CENPP: variants seen among roughly 807,000 people sequenced by gnomAD.
CENPP encodes the protein centromere protein P.
CENPP carries 24 observed loss-of-function variants against 35.6 expected under a neutral mutation model. The observed-to-expected ratio is 0.67, with a 90% CI of 0.49 to 0.95. The LOEUF (loss-of-function observed/expected upper bound fraction) is 0.95. CENPP is among the 40% of genes least tolerant of loss of function. The pLI is 0.00. For synonymous variants in CENPP, 120 were observed against 125.5 expected, an observed-to-expected ratio of 0.96 and a Z score of 0.29; for missense variants, 332 against 345.3, an observed-to-expected ratio of 0.96 and a Z score of 0.31.
At chr9:92,501,060 C>A (rs1564357152) in intron 5 of CENPP, 1 of 1,604,122 alleles carries the variant, frequency 6.2e-7, no homozygotes, top group Non-Finnish European at 8.5e-7. Context: ...ATTTCTGCAG[C>A]AAAGAAAAAA....
chr9:92,382,920 A>C (rs1172272351), intron 5 of CENPP, among the ~76,000 whole-genome samples: 1 of 116,402 alleles, frequency 8.6e-6, no homozygotes, highest in African/African-American at 3.3e-5. Flanking sequence ...TTTTTTTTAG[A>C]CAGAGTCTTG....
At chr9:92,522,507 T>C in intron 5 of CENPP, 3 of 1,413,908 alleles carry the variant, frequency 2.1e-6, no homozygotes, top group Non-Finnish European at 2.8e-6. Flanking sequence ...CCCTCTCTCC[T>C]TCTCTTTCCC....
At chr9:92,558,422 G>A (rs1849773709) in intron 5 of CENPP, among the ~76,000 whole-genome samples, 1 of 152,138 alleles carries the variant, frequency 6.6e-6, no homozygotes, top group Non-Finnish European at 1.5e-5. Flanking sequence ...TCTGGGCCTA[G>A]CCACCCAGTG....
chr9:92,569,352 T>G (rs962523512), intron 5 of CENPP, among the ~76,000 whole-genome samples: 31 of 152,250 alleles, frequency 2.0e-4, no homozygotes, highest in Admixed American at 5.2e-4. Context: ...TTTCCCCATT[T>G]CTTGTTTTTG....
At chr9:92,450,090 T>TTTA (rs971076403) in intron 5 of CENPP, among the ~76,000 whole-genome samples, 79 of 151,252 alleles carry the variant, frequency 5.2e-4, no homozygotes, top group Middle Eastern at 3.4e-3. Context: ...ATTCTTTCTT[T>TTTA]TTATTATTAT....
rs972497015 is a variant in CENPP at position 92,378,878 on chromosome 9, A to G, written c.468-885A>G. 9.2e-5 allele frequency among the ~76,000 whole-genome samples: 14 copies of G among 152,176 alleles called. 2 individuals are homozygous for G. Among genetic ancestry groups the G allele is most frequent in the Admixed American group, 9.2e-4 (14 of 15,270 alleles). On this transcript the variant is annotated intron_variant, in intron 4 of 7. Transcript: ENST00000375587. ...GTTCTGACAATGGTTCTCTGTCACC[A>G]ACTGGATGTCCTGCAGCTCAGTTCA...
At chr9:92,377,150 C>G (rs1842143023) in intron 4 of CENPP, among the ~76,000 whole-genome samples, 1 of 152,092 alleles carries the variant, frequency 6.6e-6, no homozygotes, top group African/African-American at 2.4e-5. Context: ...GCTTGCTTAT[C>G]TATGTTTGCA....
chr9:92,382,224 T>C (rs1842266323), intron 5 of CENPP, among the ~76,000 whole-genome samples: 1 of 152,022 alleles, frequency 6.6e-6, no homozygotes, highest in African/African-American at 2.4e-5. Context: ...ATTTTTAAAA[T>C]TTATTTTTAT....
At chr9:92,386,282 G>T (rs1304317267) in intron 5 of CENPP, 1 of 1,612,760 alleles carries the variant, frequency 6.2e-7, no homozygotes, top group Admixed American at 1.7e-5. Context: ...AGAGGAAGGT[G>T]AGGTTATTCA....
At chr9:92,443,931 GGGCTTACA>G (rs1172078251) in intron 5 of CENPP, among the ~76,000 whole-genome samples, 6 of 152,026 alleles carry the variant, frequency 3.9e-5, no homozygotes, top group African/African-American at 4.8e-5. Context: ...CCAAAGTGCT[GGGCTTACA>G]GGCATGAGCC....
intron 5 of CENPP, among the ~76,000 whole-genome samples, chr9:92,425,807 CA>C (rs1564314421): frequency 6.6e-6 from 1 of 152,114 alleles, no homozygotes; most frequent in Non-Finnish European, 1.5e-5. Context: ...TGATCTTTTC[CA>C]TATGTTTTCT....
chr9:92,457,345 T>G (rs1375339275), intron 5 of CENPP: 1 of 1,614,114 alleles, frequency 6.2e-7, no homozygotes, highest in Non-Finnish European at 8.5e-7. Context: ...AACGAAATGT[T>G]GCAGGTTGCA....
intron 5 of CENPP, among the ~76,000 whole-genome samples, chr9:92,576,087 C>T (rs948816662): frequency 2.0e-5 from 3 of 152,154 alleles, no homozygotes; most frequent in African/African-American, 7.2e-5. Flanking sequence ...GTAGCTATAA[C>T]ATTGGAAGCA....
At chr9:92,342,291 G>A (rs917529250) in intron 3 of CENPP, among the ~76,000 whole-genome samples, 1 of 152,190 alleles carries the variant, frequency 6.6e-6, no homozygotes, top group African/African-American at 2.4e-5. Flanking sequence ...GAAAAACTGG[G>A]GCAAGAAAAA....
intron 5 of CENPP, among the ~76,000 whole-genome samples, chr9:92,434,859 C>T (rs1474399529): frequency 4.6e-5 from 7 of 151,994 alleles, no homozygotes; most frequent in East Asian, 1.9e-4. Flanking sequence ...CAAGACCAGC[C>T]GGGCCGACAT....
chr9:92,518,965 G>C (rs551116127), intron 5 of CENPP, among the ~76,000 whole-genome samples: 80 of 152,256 alleles, frequency 5.3e-4, no homozygotes, highest in African/African-American at 1.7e-3. Context: ...GTAGATATGT[G>C]GATAAGTGTA....
At chr9:92,444,148 C>G (rs191314087) in intron 5 of CENPP, among the ~76,000 whole-genome samples, 3 of 152,260 alleles carry the variant, frequency 2.0e-5, no homozygotes, top group Non-Finnish European at 4.4e-5. Flanking sequence ...TATCACTCCG[C>G]TTTGAGATAC....
chr9:92,418,120 C>G (rs1843674391), intron 5 of CENPP, among the ~76,000 whole-genome samples: 1 of 151,234 alleles, frequency 6.6e-6, no homozygotes, highest in African/African-American at 2.4e-5. Context: ...GGAGTCTTGC[C>G]TTGTCACCCA....
intron 5 of CENPP, among the ~76,000 whole-genome samples, chr9:92,469,954 A>G (rs1453503835): frequency 6.6e-6 from 1 of 152,138 alleles, no homozygotes; most frequent in Non-Finnish European, 1.5e-5. Context: ...TGCAACCTCT[A>G]CCTCTTGGCT....
Sources: gnomAD v4.1 joint callset for allele counts (sites outside exome capture counted in the v4.1 genomes callset) on GRCh38, gnomAD v4.1.1 for gene constraint, MANE v1.5 for transcripts, NCBI Gene and HGNC (gene_info 2026-07-23, HGNC 2026-07-21) for gene names.